The following PARD3B variants were observed in gnomAD, a reference collection of about 807,000 sequenced individuals.
The protein encoded by PARD3B is par-3 family cell polarity regulator beta.
PARD3B carries 103 observed loss-of-function variants against 130.2 expected under a neutral mutation model. That is an observed-to-expected ratio of 0.79 (90% confidence interval 0.67 to 0.93). PARD3B has a LOEUF of 0.93. Among genes scored for constraint, PARD3B ranks in the 40% least tolerant of loss-of-function variants. The pLI is 0.00. For synonymous variants in PARD3B, 583 were observed against 553.2 expected (o/e 1.05, Z -0.76); for missense variants, 1,609 against 1,499.2 (o/e 1.07, Z -1.21).
intron 15 of PARD3B, among the ~76,000 whole-genome samples, chr2:205,240,411 G>A (rs555739305): frequency 8.5e-5 from 13 of 152,198 alleles, no homozygotes; most frequent in African/African-American, 3.1e-4. Flanking sequence ...CAAAATTGCA[G>A]TCTCTATTAT....
chr2:205,400,035 G>A (rs1199035465), intron 18 of PARD3B, among the ~76,000 whole-genome samples: 3 of 152,126 alleles, frequency 2.0e-5, no homozygotes, highest in African/African-American at 4.8e-5. Context: ...ATTGAACGAG[G>A]TGTTCAATAA....
chr2:205,224,829 AAAAG>A (rs1283581228), intron 15 of PARD3B, among the ~76,000 whole-genome samples: 1 of 152,120 alleles, frequency 6.6e-6, no homozygotes, highest in East Asian at 1.9e-4. Context: ...GGTCGAAAGA[AAAAG>A]AAAGAGATAA....
chr2:204,813,870 T>A (rs1173143156), intron 2 of PARD3B, among the ~76,000 whole-genome samples: 1 of 152,148 alleles, frequency 6.6e-6, no homozygotes, highest in Admixed American at 6.5e-5. Context: ...TTACTATCTC[T>A]TTATAATATT....
At chr2:205,323,763 T>C (rs1285750539) in intron 18 of PARD3B, among the ~76,000 whole-genome samples, 1 of 152,202 alleles carries the variant, frequency 6.6e-6, no homozygotes, top group East Asian at 1.9e-4. Flanking sequence ...ACACCTTTCA[T>C]GTCTCAGGGA....
intron 10 of PARD3B, among the ~76,000 whole-genome samples, chr2:205,135,752 A>G (rs1447177169): frequency 6.6e-6 from 1 of 152,144 alleles, no homozygotes; most frequent in Non-Finnish European, 1.5e-5. Flanking sequence ...GCAACAGTAG[A>G]TAGGTGCCCT....
chr2:204,614,764 A>G (rs141426698), intron 1 of PARD3B, among the ~76,000 whole-genome samples: 1 of 152,064 alleles, frequency 6.6e-6, no homozygotes, highest in African/African-American at 2.4e-5. Context: ...GTACCTCCTC[A>G]TTCTCTCTCT....
rs758460835 is a variant in PARD3B at position 205,185,794 on chromosome 2, A to T, written c.1955A>T (p.Glu652Val). Residue 652 changes from glutamate to valine, a missense_variant, in exon 14 of 23, where the codon GAG becomes GTG. Transcript: ENST00000406610. ...TTGCTGCCCAATGACGGATGGGCCG[A>T]GAGTGAAGTTCCACCTTCTCCAACA... ...GLLLPNDGWA[E>V]SEVPPSPTPH... 1.2e-6 allele frequency: 2 copies of T among 1,614,130 alleles called. No individual in the cohort carries two copies. Among genetic ancestry groups the T allele is most frequent in the Non-Finnish European group, 1.7e-6 (2 of 1,179,974 alleles).
intron 16 of PARD3B, among the ~76,000 whole-genome samples, chr2:205,298,059 T>G (rs1452096657): frequency 6.6e-6 from 1 of 152,208 alleles, no homozygotes; most frequent in East Asian, 1.9e-4. Flanking sequence ...CTTGGACGAT[T>G]TATTCACTTT....
intron 2 of PARD3B, among the ~76,000 whole-genome samples, chr2:204,698,273 C>T (rs915546302): frequency 2.0e-5 from 3 of 152,034 alleles, no homozygotes; most frequent in Admixed American, 2.0e-4. Context: ...ACATATTTGT[C>T]CTAACCTCTT....
intron 3 of PARD3B, among the ~76,000 whole-genome samples, chr2:205,022,020 A>G (rs1452555508): frequency 6.6e-6 from 1 of 152,138 alleles, no homozygotes; most frequent in Admixed American, 6.5e-5. Flanking sequence ...GTTTTTTATT[A>G]CTCTTACTTT....
chr2:204,867,742 C>T (rs548443039), intron 2 of PARD3B, among the ~76,000 whole-genome samples: 10 of 152,004 alleles, frequency 6.6e-5, no homozygotes, highest in South Asian at 4.2e-4. Flanking sequence ...TTTCTCTTTC[C>T]GGCGATGTAT....
At chr2:204,966,117 A>C (rs1169662309) in intron 3 of PARD3B, among the ~76,000 whole-genome samples, 1 of 152,226 alleles carries the variant, frequency 6.6e-6, no homozygotes, top group African/African-American at 2.4e-5. Context: ...TGCAAAGGTC[A>C]GCTTCTTATT....
At chr2:205,286,596 A>C (rs2041405656) in intron 16 of PARD3B, among the ~76,000 whole-genome samples, 1 of 152,214 alleles carries the variant, frequency 6.6e-6, no homozygotes, top group Non-Finnish European at 1.5e-5. Flanking sequence ...TTGTCTGGAA[A>C]TTTCTGTGAA....
intron 3 of PARD3B, among the ~76,000 whole-genome samples, chr2:205,027,551 A>G (rs1014551712): frequency 1.3e-5 from 2 of 151,864 alleles, no homozygotes; most frequent in Admixed American, 6.6e-5. Flanking sequence ...TTTGCTGTGC[A>G]GAAGCTTTTT....
At chr2:205,339,168 T>A (rs2043425776) in intron 18 of PARD3B, among the ~76,000 whole-genome samples, 1 of 152,184 alleles carries the variant, frequency 6.6e-6, no homozygotes, top group Non-Finnish European at 1.5e-5. Context: ...GTTTTGAATA[T>A]CAGTTCATCA....
chr2:204,741,855 A>T (rs2040021672), intron 2 of PARD3B, among the ~76,000 whole-genome samples: 1 of 150,656 alleles, frequency 6.6e-6, no homozygotes, highest in African/African-American at 2.4e-5. Flanking sequence ...TCTAAAAGCA[A>T]TTTTTTTTTT....
At chr2:205,579,896 A>C (rs908994898) in intron 22 of PARD3B, among the ~76,000 whole-genome samples, 4 of 152,166 alleles carry the variant, frequency 2.6e-5, no homozygotes, top group Non-Finnish European at 5.9e-5. Context: ...GTTTTATTCC[A>C]AGCACCCTAC....
chr2:204,985,919 G>C (rs1211087952), intron 3 of PARD3B, among the ~76,000 whole-genome samples: 1 of 151,890 alleles, frequency 6.6e-6, no homozygotes, highest in Non-Finnish European at 1.5e-5. Context: ...TGGCAACATG[G>C]TGAAACCCCG....
chr2:204,615,836 G>A (rs1020043089), intron 1 of PARD3B, among the ~76,000 whole-genome samples: 1 of 152,152 alleles, frequency 6.6e-6, no homozygotes, highest in Admixed American at 6.6e-5. Flanking sequence ...GAATGCAGCA[G>A]AAGTGCTTTA....
Sources: gnomAD v4.1 joint callset for allele counts (sites outside exome capture counted in the v4.1 genomes callset) on GRCh38, gnomAD v4.1.1 for gene constraint, MANE v1.5 for transcripts, NCBI Gene and HGNC (gene_info 2026-07-23, HGNC 2026-07-21) for gene names.